CTNNA3: variants seen among roughly 807,000 people sequenced by gnomAD.
CTNNA3 encodes catenin alpha 3.
CTNNA3 carries 76 observed loss-of-function variants against 95.7 expected under a neutral mutation model. That is an observed-to-expected ratio of 0.79 (90% CI 0.66 to 0.96). CTNNA3 has a LOEUF of 0.96. Among genes scored for constraint, CTNNA3 ranks in the 40% least tolerant of loss-of-function variants. The pLI is 0.00. For missense variants in CTNNA3, 1,191 were observed against 1,089.8 expected, an observed-to-expected ratio of 1.09 and a Z score of -1.31; for synonymous variants, 431 against 374.4, an observed-to-expected ratio of 1.15 and a Z score of -1.74.
intron 11 of CTNNA3, among the ~76,000 whole-genome samples, chr10:66,495,055 G>A (rs2441745): frequency 0.22 from 33,317 of 152,036 alleles, 6,814 homozygotes; most frequent in East Asian, 0.84. Flanking sequence ...ATGTTGTATC[G>A]CCAACCCACC....
chr10:65,990,496 G>A (rs1458407463), intron 15 of CTNNA3, among the ~76,000 whole-genome samples: 1 of 150,564 alleles, frequency 6.6e-6, no homozygotes, highest in African/African-American at 2.4e-5. Flanking sequence ...TGTTGAGCAT[G>A]TTTTCATATA....
intron 11 of CTNNA3, among the ~76,000 whole-genome samples, chr10:66,393,440 T>A (rs958110632): frequency 6.6e-6 from 1 of 152,086 alleles, no homozygotes; most frequent in Admixed American, 6.6e-5. Context: ...ACATTCTACA[T>A]TCAGTGTCAA....
intron 11 of CTNNA3, among the ~76,000 whole-genome samples, chr10:66,451,679 A>AT (rs759133429): frequency 6.4e-4 from 97 of 152,276 alleles, no homozygotes; most frequent in Middle Eastern, 3.4e-3. Flanking sequence ...GACAAGACTG[A>AT]TTTTTTGGAC....
In CTNNA3 at chr10:66,080,966, A is replaced by T. The variant is rs188514695; in HGVS notation, c.1978-11477T>A. On this transcript the variant is annotated intron_variant, in intron 14 of 17. Coordinates refer to ENST00000433211, the MANE Select transcript of CTNNA3 (RefSeq NM_013266.4). ...TGTTAAATTGGCAAGAAACTGGGAC[A>T]AGATGTACATCACAAAGGGACAGAG... Among the ~76,000 whole-genome samples, 27 of 152,334 alleles carry T rather than the reference A, an allele frequency of 1.8e-4. No homozygotes were observed. The East Asian group carries it at 3.9e-3, about 22-fold the overall frequency.
At chr10:67,411,264 A>ATCAT (rs1273847179) in intron 5 of CTNNA3, among the ~76,000 whole-genome samples, 1 of 152,172 alleles carries the variant, frequency 6.6e-6, no homozygotes, top group Non-Finnish European at 1.5e-5. Context: ...GCTTGATATA[A>ATCAT]TCATTCCACA....
intron 7 of CTNNA3, among the ~76,000 whole-genome samples, chr10:66,953,120 C>T (rs1233388284): frequency 6.6e-6 from 1 of 152,128 alleles, no homozygotes; most frequent in Non-Finnish European, 1.5e-5. Context: ...TCAGGTCTGA[C>T]CTCGGTTATC....
chr10:66,774,806 T>A (rs1208875989), intron 8 of CTNNA3, among the ~76,000 whole-genome samples: 1 of 152,202 alleles, frequency 6.6e-6, no homozygotes, highest in Non-Finnish European at 1.5e-5. Context: ...TCTTCCTATT[T>A]CTGGAAAAAT....
At chr10:66,685,458 C>T (rs1847262368) in intron 9 of CTNNA3, among the ~76,000 whole-genome samples, 1 of 134,642 alleles carries the variant, frequency 7.4e-6, no homozygotes, top group African/African-American at 2.8e-5. Flanking sequence ...CTGTAAGCTC[C>T]ACCTCCCGGG....
intron 7 of CTNNA3, among the ~76,000 whole-genome samples, chr10:66,976,031 A>G (rs1850009766): frequency 6.6e-6 from 1 of 152,202 alleles, no homozygotes; most frequent in African/African-American, 2.4e-5. Context: ...ATTTCCCTGT[A>G]TAAAAGGCCC....
chr10:67,092,000 C>G (rs946756190), intron 7 of CTNNA3, among the ~76,000 whole-genome samples: 1 of 151,670 alleles, frequency 6.6e-6, no homozygotes, highest in Non-Finnish European at 1.5e-5. Context: ...AACTGAAAAC[C>G]CCTTAAGTTT....
intron 1 of CTNNA3, among the ~76,000 whole-genome samples, chr10:67,661,183 A>G (rs1840175602): frequency 6.6e-6 from 1 of 152,070 alleles, no homozygotes; most frequent in African/African-American, 2.4e-5. Flanking sequence ...TACCACAAAT[A>G]TAAAAATAAA....
chr10:66,300,926 C>T (rs191880901), intron 12 of CTNNA3, among the ~76,000 whole-genome samples: 54 of 151,438 alleles, frequency 3.6e-4, no homozygotes, highest in Non-Finnish European at 4.0e-4. Flanking sequence ...TTTACAAGCC[C>T]GTAGCCAGGT....
At chr10:67,658,399 T>G (rs1840086446) in intron 1 of CTNNA3, among the ~76,000 whole-genome samples, 1 of 152,196 alleles carries the variant, frequency 6.6e-6, no homozygotes. Flanking sequence ...AGAATCTACT[T>G]GTCTACATTC....
intron 5 of CTNNA3, among the ~76,000 whole-genome samples, chr10:67,458,062 T>C (rs1036826988): frequency 2.6e-5 from 4 of 152,102 alleles, no homozygotes; most frequent in African/African-American, 9.7e-5. Flanking sequence ...AGTGTGAGAA[T>C]TATATGCCAT....
At chr10:66,378,563 T>C (rs568013779) in intron 12 of CTNNA3, among the ~76,000 whole-genome samples, 31 of 152,328 alleles carry the variant, frequency 2.0e-4, no homozygotes, top group African/African-American at 7.2e-4. Flanking sequence ...AAATGCCATT[T>C]CACTGAGGGA....
chr10:66,743,489 C>T (rs1849395149), intron 9 of CTNNA3, among the ~76,000 whole-genome samples: 1 of 151,808 alleles, frequency 6.6e-6, no homozygotes, highest in East Asian at 1.9e-4. Flanking sequence ...CTGAGATACT[C>T]TAAACCCATT....
intron 3 of CTNNA3, among the ~76,000 whole-genome samples, chr10:67,557,997 G>A (rs1841320151): frequency 6.6e-6 from 1 of 152,096 alleles, no homozygotes; most frequent in African/African-American, 2.4e-5. Context: ...ATCCTTCCAA[G>A]TTTCACAGGT....
rs575319842 is a variant in CTNNA3 at position 66,040,222 on chromosome 10, A to G, written c.2159+29086T>C. Reference sequence around the variant, plus strand: ...ATAGCTATTATTAAAAACTCAAAAAATAACAGGTGCTGCTGAGGTTGAGGA... The same window carrying G: ...ATAGCTATTATTAAAAACTCAAAAAGTAACAGGTGCTGCTGAGGTTGAGGA... On this transcript the variant is annotated intron_variant, in intron 15 of 17. Coordinates refer to ENST00000433211, the MANE Select transcript of CTNNA3 (RefSeq NM_013266.4). 9.2e-5 allele frequency among the ~76,000 whole-genome samples: 14 copies of G among 152,254 alleles called. No homozygotes were observed. In the South Asian group the frequency reaches 2.7e-3, roughly 29 times the overall value.
At chr10:66,105,443 T>C (rs958068952) in intron 13 of CTNNA3, among the ~76,000 whole-genome samples, 2 of 152,204 alleles carry the variant, frequency 1.3e-5, no homozygotes, top group Admixed American at 1.3e-4. Flanking sequence ...CTGTCTGGTG[T>C]CCCTACTGTG....
Sources: gnomAD v4.1 joint callset for allele counts (sites outside exome capture counted in the v4.1 genomes callset) on GRCh38, gnomAD v4.1.1 for gene constraint, MANE v1.5 for transcripts, NCBI Gene and HGNC (gene_info 2026-07-23, HGNC 2026-07-21) for gene names.